The following NRXN2 variants were observed in gnomAD, a reference collection of about 807,000 sequenced individuals.
The protein encoded by NRXN2 is neurexin-2-beta.
In NRXN2, 29 loss-of-function variants were observed where a neutral mutation model predicts 128.8. That is an observed-to-expected ratio of 0.23 (90% CI 0.17 to 0.31). The LOEUF is 0.31. Among genes scored for constraint, NRXN2 ranks in the 10% least tolerant of loss-of-function variants. The pLI is 1.00. For missense variants in NRXN2, 1,881 were observed against 2,452.6 expected, an observed-to-expected ratio of 0.77 and a Z score of 4.92; for synonymous variants, 1,098 against 1,075.2, an observed-to-expected ratio of 1.02 and a Z score of -0.41.
At chr11:64,610,980 C>A (rs11606370) in intron 22 of NRXN2, among the ~76,000 whole-genome samples, 77,157 of 152,052 alleles carry the variant, frequency 0.51, 23,420 homozygotes, top group Non-Finnish European at 0.7. Flanking sequence ...CTCTTCCAGG[C>A]AGAGGATGCT....
At chr11:64,692,663 C>A (rs1305471973) in intron 4 of NRXN2, among the ~76,000 whole-genome samples, 184 bp downstream of exon 4, 3 of 152,004 alleles carry the variant, frequency 2.0e-5, no homozygotes, top group South Asian at 4.2e-4. Flanking sequence ...AGCCCCCACC[C>A]CCACCCCAGC....
chr11:64,709,854 C>G (rs181959874), intron 2 of NRXN2, among the ~76,000 whole-genome samples: 1 of 151,812 alleles, frequency 6.6e-6, no homozygotes, highest in Non-Finnish European at 1.5e-5. Context: ...CACAAGCAAC[C>G]CTGCCCCTAC....
intron 4 of NRXN2, among the ~76,000 whole-genome samples, chr11:64,691,418 T>C (rs1036716397): frequency 6.6e-6 from 1 of 152,136 alleles, no homozygotes; most frequent in Non-Finnish European, 1.5e-5. Context: ...ACCTATATAC[T>C]CAGCACCTGG....
At chr11:64,696,033 T>G (rs2135598458) in intron 3 of NRXN2, among the ~76,000 whole-genome samples, 1 of 146,264 alleles carries the variant, frequency 6.8e-6, no homozygotes, top group African/African-American at 2.6e-5. Flanking sequence ...GAGGCTTGAG[T>G]CTTTCTCTTC....
At position 64,714,214 on chromosome 11, in the gene NRXN2, A is replaced by G. The variant is rs559912982; in HGVS notation, c.-244-271T>C. Among the ~76,000 whole-genome samples the G allele has an allele frequency of 5.0e-5, 3 of 60,356 alleles. No homozygotes were observed. Among genetic ancestry groups the G allele is most frequent in the Non-Finnish European group, 5.3e-5 (1 of 18,886 alleles). The allele number at this position is 60,356 out of a possible 152,430, so 39.6% of individuals were successfully genotyped here. A position where few individuals can be genotyped will look rare whatever the true frequency, so the allele number is the denominator to read the frequency against. On this transcript the variant is annotated intron_variant, in intron 1 of 22. Transcript: ENST00000265459. The surrounding 1 kb of genome is among the most constrained non-coding windows in gnomAD (Gnocchi z 4.5). ...CACGTTCGAGCCCGGCAGGAGCCCA[A>G]CCTCAGCCCGCTCCCTCACCCTCTC...
intron 19 of NRXN2, among the ~76,000 whole-genome samples, chr11:64,628,999 C>T (rs570099773): frequency 2.0e-4 from 31 of 151,588 alleles, no homozygotes; most frequent in Non-Finnish European, 3.7e-4. Context: ...TAGGGGGCCA[C>T]GCAGGCCTCT....
chr11:64,706,981 T>C (rs977096838), intron 2 of NRXN2, among the ~76,000 whole-genome samples: 4 of 150,934 alleles, frequency 2.7e-5, no homozygotes, highest in Non-Finnish European at 5.9e-5. Flanking sequence ...AGACAGAGTC[T>C]TGCTGTGTCA....
intron 6 of NRXN2, among the ~76,000 whole-genome samples, chr11:64,683,563 T>C (rs2052593243): frequency 6.9e-6 from 1 of 144,612 alleles, no homozygotes; most frequent in Non-Finnish European, 1.5e-5. Context: ...GAGGTTGGAG[T>C]GAGCCGAGAT....
chr11:64,608,036 G>A lies in NRXN2; in HGVS notation c.4299C>T (p.Pro1433=), dbSNP rs1433345164. The change falls in exon 23 of 23, where the codon CCC becomes CCT. Residue 1433 remains proline (P), a synonymous_variant. Coordinates refer to ENST00000265459, the MANE Select transcript of NRXN2 (RefSeq NM_015080.4). The part of the protein sequence containing the change: ...LPIITEDSLD[P]PPVATRSPFV... ...AGGGGGATCGGGTGGCCACGGGAGG[G>A]GGGTCTAAGGAGTCCTCCGTGATAA... is the stretch of plus-strand genomic sequence containing the variant. 3 of 1,574,000 alleles carry A rather than the reference G, an allele frequency of 1.9e-6. No homozygotes were observed. Among genetic ancestry groups the A allele is most frequent in the Non-Finnish European group, 2.6e-6 (3 of 1,166,592 alleles).
At position 64,690,447 on chromosome 11, in the gene NRXN2, C is replaced by T. The variant is rs1327360539; in HGVS notation, c.808G>A (p.Ala270Thr). ...ACATCGCCGGCTCCTCCTCTCCCGG[C>T]CCCCCCCTCGGAGAACAGTAAGGAC... ...VGSLLFSEGG[A>T]GRGGAGDVHQ... The change falls in exon 5 of 23, where the codon GCC (alanine) becomes ACC (threonine). Residue 270 changes from alanine to threonine, a missense_variant. By Grantham distance (58) the Ala-to-Thr change is moderately conservative. Transcript: ENST00000265459. The T allele has an allele frequency of 3.1e-6, 5 of 1,610,302 alleles. No homozygotes were observed. Among genetic ancestry groups the T allele is most frequent in the South Asian group, 2.2e-5 (2 of 90,680 alleles).
chr11:64,608,142 C>A, intron 22 of NRXN2, 60 bp from the exon 23 acceptor site: 1 of 1,285,410 alleles, frequency 7.8e-7, no homozygotes, highest in Non-Finnish European at 1.1e-6. Flanking sequence ...GCGCAGGCGG[C>A]CGGCACAGAG....
At chr11:64,620,913 GA>G (rs2042244826) in intron 21 of NRXN2, among the ~76,000 whole-genome samples, 2 of 151,600 alleles carry the variant, frequency 1.3e-5, no homozygotes, top group South Asian at 4.2e-4. Context: ...GACGACAAGA[GA>G]AGACTTTGTC....
At chr11:64,658,445 G>A (rs1591873228) in intron 11 of NRXN2, among the ~76,000 whole-genome samples, 2 of 152,228 alleles carry the variant, frequency 1.3e-5, no homozygotes, top group South Asian at 2.1e-4. Flanking sequence ...CAGAGCTGCT[G>A]CACACCACCC....
intron 3 of NRXN2, among the ~76,000 whole-genome samples, chr11:64,696,352 A>G (rs1410697197): frequency 6.6e-6 from 1 of 152,166 alleles, no homozygotes; most frequent in African/African-American, 2.4e-5. Context: ...GCATACAGAA[A>G]TGTGGGCCAC....
chr11:64,695,730 G>GCA (rs140194538), intron 3 of NRXN2, among the ~76,000 whole-genome samples: 3,642 of 150,594 alleles, frequency 0.024, 70 homozygotes, highest in Middle Eastern at 0.097. Flanking sequence ...ACACACACGC[G>GCA]CACACACACA....
chr11:64,706,742 G>A (rs1210214223), intron 2 of NRXN2, among the ~76,000 whole-genome samples: 2 of 151,980 alleles, frequency 1.3e-5, no homozygotes, highest in East Asian at 1.9e-4. Context: ...TGCTTCAAAC[G>A]ACTTCCCCCA....
chr11:64,620,019 A>C (rs561185044), intron 22 of NRXN2, among the ~76,000 whole-genome samples: 1 of 152,232 alleles, frequency 6.6e-6, no homozygotes, highest in African/African-American at 2.4e-5. Flanking sequence ...CCTCCTAGGG[A>C]AACGCCTCCC....
At chr11:64,696,335 T>C (rs2054516577) in intron 3 of NRXN2, among the ~76,000 whole-genome samples, 1 of 151,724 alleles carries the variant, frequency 6.6e-6, no homozygotes, top group Admixed American at 6.6e-5. Flanking sequence ...GCTGATGCTC[T>C]ACATAGGCAT....
At chr11:64,666,503 A>C (rs2049885206) in intron 9 of NRXN2, among the ~76,000 whole-genome samples, 1 of 150,796 alleles carries the variant, frequency 6.6e-6, no homozygotes, top group Non-Finnish European at 1.5e-5. Flanking sequence ...CGCCCGGCCT[A>C]GTGAGTTAAT....
Sources: gnomAD v4.1 joint callset for allele counts (sites outside exome capture counted in the v4.1 genomes callset) on GRCh38, gnomAD v4.1.1 for gene constraint, Gnocchi (gnomAD v3.1) non-coding constraint, MANE v1.5 for transcripts, NCBI Gene and HGNC (gene_info 2026-07-23, HGNC 2026-07-21) for gene names.